The following RFC3 variants were observed in gnomAD, a reference collection of about 807,000 sequenced individuals.
RFC3 encodes A1 38 kDa subunit.
RFC3 carries 41 observed loss-of-function variants against 45.1 expected under a neutral mutation model. That is an observed-to-expected ratio of 0.91 (90% CI 0.71 to 1.18). The LOEUF (loss-of-function observed/expected upper bound fraction) is 1.18. Ranked by LOEUF, RFC3 falls within the 50% of genes most tolerant of loss-of-function variation. The pLI is 0.00. For missense variants in RFC3, 423 were observed against 428.1 expected, an observed-to-expected ratio of 0.99 and a Z score of 0.10; for synonymous variants, 149 against 144.0, an observed-to-expected ratio of 1.03 and a Z score of -0.25.
rs370732006 is a variant in RFC3, at chr13:33,836,101, T to C, written c.880-3T>C. On this transcript the variant is annotated splice_region_variant and splice_polypyrimidine_tract_variant and intron_variant, in intron 8 of 8. Transcript: ENST00000380071. ...TTTTAAATTACTGATTATTTTTGTTTAGGGCCTTCTCTCAGAACTGTTACA... is the reference window on the plus strand; with the variant it reads ...TTTTAAATTACTGATTATTTTTGTTCAGGGCCTTCTCTCAGAACTGTTACA... The C allele has an allele frequency of 2.5e-6, 4 of 1,599,954 alleles. No individual in the cohort carries two copies. Among genetic ancestry groups the C allele is most frequent in the African/African-American group, 2.7e-5 (2 of 74,548 alleles).
At chr13:33,935,844 C>CT (rs2082882911) in intron 8 of RFC3, among the ~76,000 whole-genome samples, 1 of 152,166 alleles carries the variant, frequency 6.6e-6, no homozygotes, top group Non-Finnish European at 1.5e-5. Context: ...CTTGACAAAA[C>CT]TTAAATCTAT....
chr13:33,898,447 T>G lies in RFC3; in HGVS notation c.879+63230T>G, dbSNP rs116532667. Among the ~76,000 whole-genome samples the G allele has an allele frequency of 9.7e-3, 1,468 of 151,998 alleles. 25 individuals are homozygous for G. The highest frequency in any genetic ancestry group is 0.033 in the African/African-American group (1,375 of 41,512). On this transcript the variant is annotated intron_variant, in intron 8 of 8. Transcript: ENST00000434425. ...GAAATTAAGAAGGAAATTTAAAAAT[T>G]TATTGAAACAAATGCAAATGGAAAT...
At chr13:33,926,714 T>C (rs769809313) in intron 8 of RFC3, among the ~76,000 whole-genome samples, 1 of 151,514 alleles carries the variant, frequency 6.6e-6, no homozygotes, top group Non-Finnish European at 1.5e-5. Context: ...AGAAATAAAG[T>C]TACTTTTGGG....
intron 8 of RFC3, among the ~76,000 whole-genome samples, chr13:33,960,175 G>T (rs2083047954): frequency 1.3e-5 from 2 of 152,082 alleles, no homozygotes; most frequent in South Asian, 4.1e-4. Flanking sequence ...CATGGGATCT[G>T]GGTGGAGACA....
At chr13:33,955,279 A>C (rs2083015029) in intron 8 of RFC3, among the ~76,000 whole-genome samples, 1 of 152,236 alleles carries the variant, frequency 6.6e-6, no homozygotes, top group Non-Finnish European at 1.5e-5. Context: ...AAGCAGTTGC[A>C]AGAGATAAAT....
At chr13:33,912,580 G>T (rs1264034357) in intron 8 of RFC3, among the ~76,000 whole-genome samples, 1 of 152,058 alleles carries the variant, frequency 6.6e-6, no homozygotes, top group Non-Finnish European at 1.5e-5. Flanking sequence ...TCAGAAGAGA[G>T]GCAGTGTGGC....
intron 8 of RFC3, among the ~76,000 whole-genome samples, chr13:33,914,758 ATG>A (rs1177874879): frequency 6.6e-6 from 1 of 152,166 alleles, no homozygotes; most frequent in Non-Finnish European, 1.5e-5. Flanking sequence ...GCTATTTATA[ATG>A]TTTACAGTCT....
At chr13:33,857,545 A>G (rs9528261) in intron 8 of RFC3, among the ~76,000 whole-genome samples, 116,860 of 152,098 alleles carry the variant, frequency 0.77, 47,378 homozygotes, top group Non-Finnish European at 0.92. Context: ...TTTAAGCCCA[A>G]TGAATTAAGA....
intron 8 of RFC3, among the ~76,000 whole-genome samples, chr13:33,896,465 T>G (rs897085103): frequency 6.6e-6 from 1 of 151,736 alleles, no homozygotes; most frequent in African/African-American, 2.4e-5. Context: ...GGCTCATGCC[T>G]GTAATCCTGG....
chr13:33,897,707 G>A (rs1319847875), intron 8 of RFC3, among the ~76,000 whole-genome samples: 1 of 152,128 alleles, frequency 6.6e-6, no homozygotes, highest in East Asian at 1.9e-4. Flanking sequence ...TAGACTGAAA[G>A]TGAAGGAATG....
chr13:33,903,040 A>G (rs2082651373), intron 8 of RFC3, among the ~76,000 whole-genome samples: 1 of 152,060 alleles, frequency 6.6e-6, no homozygotes, highest in Non-Finnish European at 1.5e-5. Context: ...ACAAGCTTGC[A>G]ACCTTACTAT....
At chr13:33,855,692 C>T (rs2082304648) in intron 8 of RFC3, among the ~76,000 whole-genome samples, 1 of 152,044 alleles carries the variant, frequency 6.6e-6, no homozygotes, top group African/African-American at 2.4e-5. Flanking sequence ...GATGGTATCT[C>T]GTTGTGGCTT....
At chr13:33,925,866 C>T (rs1293591260) in intron 8 of RFC3, among the ~76,000 whole-genome samples, 1 of 151,978 alleles carries the variant, frequency 6.6e-6, no homozygotes, top group Non-Finnish European at 1.5e-5. Flanking sequence ...GAGTGTCTGA[C>T]ATTGTTGTAT....
At chr13:33,823,654 A>G (rs1312694951) in intron 2 of RFC3, among the ~76,000 whole-genome samples, 1 of 152,160 alleles carries the variant, frequency 6.6e-6, no homozygotes, top group Non-Finnish European at 1.5e-5. Context: ...TTCAGATGGT[A>G]TACAGATTTG....
chr13:33,965,046 G>A (rs188117505), intron 8 of RFC3, among the ~76,000 whole-genome samples: 1 of 152,238 alleles, frequency 6.6e-6, no homozygotes. Context: ...GGGAAAGTCT[G>A]GCCCTGTTGA....
At chr13:33,942,929 A>G (rs2137807869) in intron 8 of RFC3, among the ~76,000 whole-genome samples, 1 of 152,278 alleles carries the variant, frequency 6.6e-6, no homozygotes, top group Non-Finnish European at 1.5e-5. Flanking sequence ...AAGGTGCCAT[A>G]AAGCAGAGCT....
chr13:33,863,898 C>G (rs931310780), intron 8 of RFC3, among the ~76,000 whole-genome samples: 2 of 152,180 alleles, frequency 1.3e-5, no homozygotes, highest in African/African-American at 4.8e-5. Flanking sequence ...TCTGCCCCCT[C>G]CTCTCTCTGA....
chr13:33,865,457 T>C (rs1461344886), intron 8 of RFC3, among the ~76,000 whole-genome samples: 3 of 129,190 alleles, frequency 2.3e-5, no homozygotes, highest in African/African-American at 8.0e-5. Flanking sequence ...CAAACCTAGG[T>C]GGAGAAAGCT....
intron 8 of RFC3, among the ~76,000 whole-genome samples, chr13:33,887,889 C>G (rs530643218): frequency 6.6e-6 from 1 of 152,058 alleles, no homozygotes; most frequent in Non-Finnish European, 1.5e-5. Context: ...ATAGGGAATC[C>G]TTTCCCCATT....
Sources: allele counts gnomAD v4.1 joint callset (sites outside exome capture counted in the v4.1 genomes callset), GRCh38; gene constraint gnomAD v4.1.1; transcripts MANE v1.5; gene names NCBI Gene and HGNC (gene_info 2026-07-23, HGNC 2026-07-21).